Variants in HIP1 observed in about 807,000 individuals in gnomAD.
HIP1 encodes the protein huntingtin interacting protein 1, also known as huntingtin-interacting protein 1.
In HIP1, 65 loss-of-function variants were observed where a neutral mutation model predicts 147.6. The ratio of observed to expected loss-of-function variants is 0.44; its 90% CI spans 0.36 to 0.54. The LOEUF (loss-of-function observed/expected upper bound fraction) is 0.54, where lower values mean the gene tolerates loss of function less well. Among genes scored for constraint, HIP1 ranks in the 20% least tolerant of loss-of-function variants. The pLI is 0.00. For missense variants in HIP1, 1,061 were observed against 1,299.6 expected, an observed-to-expected ratio of 0.82 and a Z score of 2.82; for synonymous variants, 479 against 504.0, an observed-to-expected ratio of 0.95 and a Z score of 0.67.
intron 23 of HIP1, among the ~76,000 whole-genome samples, chr7:75,548,368 G>C (rs1173582635): frequency 6.6e-6 from 1 of 151,972 alleles, no homozygotes; most frequent in Non-Finnish European, 1.5e-5. Flanking sequence ...TGATTCTTGA[G>C]GAAACTAATC....
intron 1 of HIP1, among the ~76,000 whole-genome samples, chr7:75,719,411 G>C (rs1801431197): frequency 6.6e-6 from 1 of 151,904 alleles, no homozygotes. Flanking sequence ...GGCTGAGGCA[G>C]GAGAATGGCG....
chr7:75,735,090 G>C (rs1801974806), intron 1 of HIP1, among the ~76,000 whole-genome samples: 1 of 152,058 alleles, frequency 6.6e-6, no homozygotes, highest in African/African-American at 2.4e-5. Flanking sequence ...AGGCATATTG[G>C]GCTTAATTGA....
chr7:75,608,316 C>CA lies in HIP1; in HGVS notation c.121-9070dup, dbSNP rs200233376. 4.5e-3 allele frequency among the ~76,000 whole-genome samples: 675 copies of CA among 151,642 alleles called. 9 individuals carry two copies. The highest frequency in any genetic ancestry group is 0.015 in the African/African-American group (623 of 41,422). On this transcript the variant is annotated intron_variant, in intron 1 of 30. Transcript: ENST00000336926. The stretch of plus-strand genomic sequence containing the variant: ...AGAGAAACTCCGTCTCAAAAGAAAA[C>CA]AAAAAAAAGAATTAAGGTGTTTTAT...
At chr7:75,707,495 G>T (rs1801038441) in intron 1 of HIP1, among the ~76,000 whole-genome samples, 1 of 138,744 alleles carries the variant, frequency 7.2e-6, no homozygotes, top group Non-Finnish European at 1.5e-5. Flanking sequence ...TTTTTTTCTT[G>T]TAAATTTGTT....
In HIP1 at chr7:75,561,318, C is replaced by T. The variant is rs900891817; in HGVS notation, c.1191+11G>A. On this transcript the variant is annotated intron_variant, in intron 13 of 30. Transcript: ENST00000336926. ...GGTGAAGCGCAAAGGCAGAGCAGAT[C>T]CAAGTTATACCTCAGTCTTCATGTT... 2 of 1,587,136 alleles carry T rather than the reference C, an allele frequency of 1.3e-6. No individual in the cohort carries two copies. The highest frequency in any genetic ancestry group is 2.7e-5 in the African/African-American group (2 of 74,360).
chr7:75,559,634 C>G, intron 14 of HIP1, 98 bp downstream of exon 14: 3 of 968,540 alleles, frequency 3.1e-6, no homozygotes, highest in Non-Finnish European at 4.5e-6. Context: ...CAGTCTGGGT[C>G]TCCCCCACCC....
intron 21 of HIP1, 145 bp from the exon 22 acceptor site, chr7:75,553,734 T>A (rs1794881388): frequency 4.1e-6 from 3 of 724,462 alleles, no homozygotes; most frequent in Non-Finnish European, 6.7e-6. Context: ...GCCTCCCAAG[T>A]AGCTGGGATT....
chr7:75,628,475 C>CTTTTT (rs71098044), intron 1 of HIP1, among the ~76,000 whole-genome samples: 1 of 132,632 alleles, frequency 7.5e-6, no homozygotes, highest in Non-Finnish European at 1.6e-5. Flanking sequence ...TCCTGTACCT[C>CTTTTT]TTTTTTTTTT....
chr7:75,691,791 A>AAAAC (rs781848352), intron 1 of HIP1, among the ~76,000 whole-genome samples: 1 of 152,150 alleles, frequency 6.6e-6, no homozygotes, highest in Non-Finnish European at 1.5e-5. Context: ...TCCGTCTCAA[A>AAAAC]AAACAAACAA....
intron 4 of HIP1, among the ~76,000 whole-genome samples, chr7:75,591,835 C>T (rs1184355655): frequency 1.3e-5 from 2 of 152,036 alleles, no homozygotes; most frequent in Non-Finnish European, 2.9e-5. Flanking sequence ...AGGAGAAGCT[C>T]CCAGGCCCTG....
rs184974433 is a variant in HIP1 at position 75,540,460 on chromosome 7, A to T, written c.2953-1029T>A. Among the ~76,000 whole-genome samples, 251 of 150,004 alleles carry T rather than the reference A, an allele frequency of 1.7e-3. 7 individuals carry two copies. The East Asian group carries it at 0.044, about 26-fold the overall frequency. On this transcript the variant is annotated intron_variant, in intron 29 of 30. Transcript: ENST00000336926. ...AAAAAAAAAAAAAAAAGAAGGAAAA[A>T]TTAGCTGGGCATGGTGGTGTGTATC... is the stretch of plus-strand genomic sequence containing the variant.
chr7:75,597,902 A>G (rs1328214792), intron 2 of HIP1, among the ~76,000 whole-genome samples: 1 of 152,164 alleles, frequency 6.6e-6, no homozygotes, highest in Admixed American at 6.5e-5. Context: ...ACTCAAAGGC[A>G]GATTCCTAGG....
At chr7:75,539,475 G>A in intron 29 of HIP1, 44 bp from the exon 30 acceptor site, 1 of 1,420,176 alleles carries the variant, frequency 7.0e-7, no homozygotes, top group Non-Finnish European at 9.9e-7. Context: ...TCATCTCTCA[G>A]AGATTTAATT....
chr7:75,563,235 T>A lies in HIP1; in HGVS notation c.832A>T (p.Asn278Tyr). 6.2e-7 allele frequency: 1 copy of A among 1,614,206 alleles called. No individual in the cohort carries two copies. The highest frequency in any genetic ancestry group is 8.5e-7 in the Non-Finnish European group (1 of 1,180,020). ...KLKDLFYRSS[N>Y]LQYFKRLIQI... ...ATGAGCCGCTTGAAGTACTGCAGGT[T>A]GCTGGAGCGGTAGAACAGATCTTTC... The change falls in exon 10 of 31, where the codon AAC becomes TAC. Residue 278 changes from asparagine to tyrosine, a missense_variant. By Grantham distance (143) the Asn-to-Tyr change is moderately radical (BLOSUM62 -2). Transcript: ENST00000336926.
In HIP1 at chr7:75,589,793, C is replaced by T. The variant is rs1239152536; in HGVS notation, c.384+2263G>A. ...TCACCTAGGCTGGAGTGCAGTGGTGCGATCTCGGCTCACTGTGAACTCCGC... is the reference window on the plus strand; with the variant it reads ...TCACCTAGGCTGGAGTGCAGTGGTGTGATCTCGGCTCACTGTGAACTCCGC... On this transcript the variant is annotated intron_variant, in intron 4 of 30. Coordinates refer to ENST00000336926, the MANE Select transcript of HIP1 (RefSeq NM_005338.7). Among the ~76,000 whole-genome samples the T allele has an allele frequency of 4.9e-5, 7 of 141,584 alleles. No homozygotes were observed. The South Asian group carries it at 1.2e-3, about 24-fold the overall frequency. The allele number at this position is 141,584 out of a possible 152,430, so 92.9% of individuals were successfully genotyped here.
intron 1 of HIP1, among the ~76,000 whole-genome samples, chr7:75,706,138 G>A (rs1465335062): frequency 7.2e-5 from 11 of 151,960 alleles, no homozygotes; most frequent in Middle Eastern, 3.4e-3. Flanking sequence ...CAAGTGATCC[G>A]CTCACCTCGC....
intron 25 of HIP1, 125 bp downstream of exon 25, chr7:75,546,814 C>T: frequency 1.4e-6 from 1 of 692,846 alleles, no homozygotes; most frequent in Non-Finnish European, 2.5e-6. Flanking sequence ...CTGATATCTA[C>T]AGGAGTGGCT....
At chr7:75,590,505 T>A (rs1285282291) in intron 4 of HIP1, among the ~76,000 whole-genome samples, 1 of 151,488 alleles carries the variant, frequency 6.6e-6, no homozygotes, top group Non-Finnish European at 1.5e-5. Flanking sequence ...ATGGGACAAA[T>A]AGAAAACATA....
rs1426314740 is a variant in HIP1 at position 75,567,182 on chromosome 7, T to C, written c.803+1017A>G. ...AAAGGTTTTTTTTTGTTTTTTTTTT[T>C]TGAGAAAACCTAAAGTACAGTTTGA... is the stretch of plus-strand genomic sequence containing the variant. On this transcript the variant is annotated intron_variant, in intron 9 of 30. Transcript: ENST00000336926. 2.7e-5 allele frequency among the ~76,000 whole-genome samples: 4 copies of C among 150,912 alleles called. 1 individual carries two copies. Among genetic ancestry groups the C allele is most frequent in the African/African-American group, 9.9e-5 (4 of 40,478 alleles).
Sources: gnomAD v4.1 joint callset for allele counts (sites outside exome capture counted in the v4.1 genomes callset) on GRCh38, gnomAD v4.1.1 for gene constraint, MANE v1.5 for transcripts, NCBI Gene and HGNC (gene_info 2026-07-23, HGNC 2026-07-21) for gene names.